Variants in AP1B1 observed in about 807,000 individuals in gnomAD.
AP1B1 encodes the protein adaptor related protein complex 1 subunit beta 1.
AP1B1 carries 36 observed loss-of-function variants against 104.3 expected under a neutral mutation model. The observed-to-expected ratio is 0.35, with a 90% CI of 0.26 to 0.46. AP1B1 has a LOEUF of 0.46. Ranked by LOEUF, AP1B1 falls within the 20% of genes least tolerant of loss-of-function variation. The probability of loss-of-function intolerance (pLI) is 1.00; values close to 1 mark genes in which losing one functional copy is unlikely to be tolerated. For missense variants in AP1B1, 901 were observed against 1,247.9 expected, an observed-to-expected ratio of 0.72 and a Z score of 4.19; for synonymous variants, 504 against 517.5, an observed-to-expected ratio of 0.97 and a Z score of 0.35.
chr22:29,349,520 G>GTTT, intron 10 of AP1B1, 137 bp from the exon 11 acceptor site: 13 of 686,502 alleles, frequency 1.9e-5, no homozygotes, highest in East Asian at 3.3e-5. Context: ...TCTGAGTTTT[G>GTTT]TTTTTTTTTT....
chr22:29,366,881 C>CA (rs71196655), intron 2 of AP1B1, among the ~76,000 whole-genome samples: 1 of 140,414 alleles, frequency 7.1e-6, no homozygotes, highest in African/African-American at 2.6e-5. Flanking sequence ...CACACACACA[C>CA]AACTGCTGTG....
At chr22:29,357,726 C>T (rs1452423868) in intron 5 of AP1B1, among the ~76,000 whole-genome samples, 3 of 126,028 alleles carry the variant, frequency 2.4e-5, no homozygotes, top group Non-Finnish European at 4.7e-5. Context: ...CTAGCTCTGT[C>T]GCCAGGCTGG....
chr22:29,345,734 G>A (rs1207463677), intron 11 of AP1B1, among the ~76,000 whole-genome samples: 1 of 152,174 alleles, frequency 6.6e-6, no homozygotes, highest in Non-Finnish European at 1.5e-5. Context: ...GCCCAGGCTG[G>A]AGTGCAGTTG....
chr22:29,340,859 T>C lies in AP1B1; in HGVS notation c.1797-2A>G. The C allele has an allele frequency of 6.3e-7, 1 of 1,588,862 alleles. No individual in the cohort carries two copies. The highest frequency in any genetic ancestry group is 8.5e-7 in the Non-Finnish European group (1 of 1,169,810). On this transcript the variant is annotated splice_acceptor_variant, in intron 13 of 22. Transcript: ENST00000357586. LOFTEE classifies it high-confidence loss of function. The stretch of plus-strand genomic sequence containing the variant: ...TCAGGGCTCTCTGCGCTCTCACTCC[T>C]GCCGGGACACAGAAGTAGGGTGGAG...
intron 1 of AP1B1, among the ~76,000 whole-genome samples, chr22:29,373,474 G>A (rs1001717688): frequency 1.3e-5 from 2 of 152,108 alleles, no homozygotes; most frequent in African/African-American, 4.8e-5. Flanking sequence ...TCAGGTCAGT[G>A]GATGCTTCTG....
intron 10 of AP1B1, 66 bp downstream of exon 10, chr22:29,349,969 T>A (rs577232845): frequency 1.6e-6 from 2 of 1,251,744 alleles, no homozygotes; most frequent in African/African-American, 2.9e-5. Flanking sequence ...TCCTTCCTTT[T>A]CTGCCCCGCC....
At chr22:29,379,170 A>G (rs1488806324) in intron 1 of AP1B1, among the ~76,000 whole-genome samples, 1 of 152,206 alleles carries the variant, frequency 6.6e-6, no homozygotes, top group Non-Finnish European at 1.5e-5. Flanking sequence ...CTTGGCCAAC[A>G]TGGCGAAACC....
intron 17 of AP1B1, chr22:29,332,294 A>G (rs2061573443): frequency 5.8e-6 from 1 of 173,212 alleles, no homozygotes; most frequent in Admixed American, 6.0e-5. Flanking sequence ...TCTACCTTGA[A>G]AACTCTGGGA....
At chr22:29,337,580 G>A (rs1289679515) in intron 16 of AP1B1, among the ~76,000 whole-genome samples, 2 of 152,176 alleles carry the variant, frequency 1.3e-5, no homozygotes, top group African/African-American at 2.4e-5. Flanking sequence ...AAGAGAGAGG[G>A]GAGCTCTGGC....
At chr22:29,345,806 T>A (rs2061784928) in intron 11 of AP1B1, among the ~76,000 whole-genome samples, 1 of 152,242 alleles carries the variant, frequency 6.6e-6, no homozygotes, top group South Asian at 2.1e-4. Context: ...TGCCTCAGCC[T>A]CCTGAGTGGC....
At chr22:29,386,271 G>A (rs1257456836) in intron 1 of AP1B1, among the ~76,000 whole-genome samples, 1 of 152,220 alleles carries the variant, frequency 6.6e-6, no homozygotes, top group African/African-American at 2.4e-5. Context: ...ACACTGCCAG[G>A]AAGCTGCTGA....
chr22:29,363,448 G>C (rs1395370484), intron 2 of AP1B1, among the ~76,000 whole-genome samples: 1 of 152,198 alleles, frequency 6.6e-6, no homozygotes, highest in Non-Finnish European at 1.5e-5. Context: ...AGAAGATCAA[G>C]ACCATCCTGG....
chr22:29,342,937 G>C (rs996964009), intron 11 of AP1B1, among the ~76,000 whole-genome samples: 1 of 152,158 alleles, frequency 6.6e-6, no homozygotes, highest in African/African-American at 2.4e-5. Flanking sequence ...TCACCCTTCA[G>C]ATCTCATGCC....
At position 29,330,697 on chromosome 22, in the gene AP1B1, A is replaced by T. The variant is rs148036031; in HGVS notation, c.2537T>A (p.Phe846Tyr). Residue 846 changes from phenylalanine (F) to tyrosine (Y), a missense_variant, in exon 20 of 23, where the codon TTC (phenylalanine) becomes TAC (tyrosine). Physicochemically the swap from Phe to Tyr is conservative, Grantham distance 22. Around this residue, in one of 3 missense-constraint regions of AP1B1, gnomAD observed 424 missense variants for 494.0 expected, o/e 0.86. Transcript: ENST00000357586. Reference sequence around the variant, plus strand: ...GGGAATATCCTTCCATGTGGCCAGGAACATCTGCCGGTCTGCGGGGTGAGC... The same window carrying T: ...GGGAATATCCTTCCATGTGGCCAGGTACATCTGCCGGTCTGCGGGGTGAGC... The part of the protein sequence containing the change: ...VEDGKMDRQM[F>Y]LATWKDIPNE... 1.7e-5 allele frequency: 27 copies of T among 1,612,972 alleles called. No homozygotes were observed. The highest frequency in any genetic ancestry group is 2.7e-5 in the African/African-American group (2 of 74,894).
intron 1 of AP1B1, among the ~76,000 whole-genome samples, chr22:29,368,303 A>G (rs1387282066): frequency 6.6e-6 from 1 of 152,106 alleles, no homozygotes; most frequent in African/African-American, 2.4e-5. Flanking sequence ...GTCTCAGAAA[A>G]AAAAAAGACA....
intron 16 of AP1B1, among the ~76,000 whole-genome samples, chr22:29,336,623 G>A (rs560900458): frequency 7.2e-5 from 11 of 152,230 alleles, no homozygotes; most frequent in South Asian, 6.2e-4. Context: ...CCAACATAGT[G>A]AAATCCTGTC....
In AP1B1 at chr22:29,362,863, G is replaced by A. The variant is rs552048816; in HGVS notation, c.143+138C>T. ...TGTAAACAAAACCTTCTATTGGGAA[G>A]AAAGTTTTATGAAGGGAGCTGTATG... is the stretch of plus-strand genomic sequence containing the variant. On this transcript the variant is annotated intron_variant, in intron 3 of 22. Coordinates refer to ENST00000357586, the MANE Select transcript of AP1B1 (RefSeq NM_001127.4). The A allele has an allele frequency of 2.3e-4, 151 of 653,196 alleles. No homozygotes were observed. In the East Asian group the frequency reaches 3.8e-3, roughly 16 times the overall value. The allele number at this position is 653,196 out of a possible 1,614,324, so 40.5% of individuals were successfully genotyped here.
intron 10 of AP1B1, 151 bp from the exon 11 acceptor site, chr22:29,349,534 G>A: frequency 1.3e-6 from 1 of 772,694 alleles, no homozygotes; most frequent in Non-Finnish European, 2.0e-6. Flanking sequence ...TTTTTTTTGA[G>A]ATGGAGTTTC....
At chr22:29,373,408 C>T (rs1602794166) in intron 1 of AP1B1, among the ~76,000 whole-genome samples, 1 of 152,080 alleles carries the variant, frequency 6.6e-6, no homozygotes, top group African/African-American at 2.4e-5. Flanking sequence ...ATAAATATCA[C>T]AAGATTTCAT....
Sources: allele counts gnomAD v4.1 joint callset (sites outside exome capture counted in the v4.1 genomes callset), GRCh38; gene constraint gnomAD v4.1.1; regional missense constraint gnomAD v4.1.1; transcripts MANE v1.5; gene names NCBI Gene and HGNC (gene_info 2026-07-23, HGNC 2026-07-21).